PTPRG: variants seen among roughly 807,000 people sequenced by gnomAD.
PTPRG encodes the protein receptor-type tyrosine-protein phosphatase gamma.
A neutral mutation model predicts 165.3 loss-of-function variants in PTPRG; 102 were observed. The ratio of observed to expected loss-of-function variants is 0.62; its 90% CI spans 0.53 to 0.73. The LOEUF is 0.73. Ranked by LOEUF, PTPRG falls within the 30% of genes least tolerant of loss-of-function variation. PTPRG has a pLI of 0.00. For missense variants in PTPRG, 1,866 were observed against 1,861.4 expected (o/e 1.00, Z -0.05); for synonymous variants, 675 against 669.5 (o/e 1.01, Z -0.13).
chr3:62,242,820 A>G (rs940494188), intron 14 of PTPRG, among the ~76,000 whole-genome samples: 3 of 152,140 alleles, frequency 2.0e-5, no homozygotes, highest in African/African-American at 7.2e-5. Flanking sequence ...AGAAAAAGCA[A>G]AGCTGTAATG....
intron 2 of PTPRG, among the ~76,000 whole-genome samples, chr3:61,841,097 T>G (rs899211824): frequency 6.6e-6 from 1 of 152,156 alleles, no homozygotes; most frequent in Non-Finnish European, 1.5e-5. Context: ...GTAGCTATCT[T>G]AATAATGCCC....
At chr3:62,044,683 TAATC>T (rs1245965017) in intron 4 of PTPRG, among the ~76,000 whole-genome samples, 7 of 152,184 alleles carry the variant, frequency 4.6e-5, no homozygotes, top group South Asian at 2.1e-4. Flanking sequence ...AAAATAAAAA[TAATC>T]AATAACATAT....
chr3:62,065,564 G>T (rs940447873), intron 4 of PTPRG, among the ~76,000 whole-genome samples: 3 of 152,134 alleles, frequency 2.0e-5, no homozygotes, highest in African/African-American at 7.2e-5. Context: ...AATGCTGTTG[G>T]TTATTTTAAG....
chr3:62,292,833 C>CTTTAGAGGATAGTATTCTCTGGTTA (rs1576236533), intron 29 of PTPRG: 2 of 475,466 alleles, frequency 4.2e-6, no homozygotes, highest in East Asian at 6.9e-5. Flanking sequence ...AGAAGCCCTG[C>CTTTAGAGGATAGTATTCTCTGGTTA]TTTAGAGGAT....
chr3:61,908,411 CAAAAAA>C (rs776421819), intron 2 of PTPRG, among the ~76,000 whole-genome samples: 6 of 57,734 alleles, frequency 1.0e-4, no homozygotes, highest in African/African-American at 2.3e-4. Context: ...GGCAACAGAG[CAAAAAA>C]AAAAAAAAAA....
chr3:62,113,239 A>AT (rs1702733271), intron 5 of PTPRG, among the ~76,000 whole-genome samples: 1 of 152,120 alleles, frequency 6.6e-6, no homozygotes, highest in Admixed American at 6.5e-5. Flanking sequence ...CTGTGTGGGA[A>AT]TATGGCCTGT....
chr3:62,105,334 A>C lies in PTPRG; in HGVS notation c.615+27076A>C, dbSNP rs1307088489. On this transcript the variant is annotated intron_variant, in intron 5 of 29. Transcript: ENST00000474889. Reference sequence around the variant, plus strand: ...TGTGATCTGAGTTAATTACTGCCATAGTTTTGTTAGACTTCGACATGATTT... The same window carrying C: ...TGTGATCTGAGTTAATTACTGCCATCGTTTTGTTAGACTTCGACATGATTT... Among the ~76,000 whole-genome samples the C allele has an allele frequency of 2.0e-5, 3 of 152,184 alleles. No individual in the cohort carries two copies. The East Asian group carries it at 5.8e-4, about 29-fold the overall frequency.
At chr3:61,860,630 G>C (rs1475864173) in intron 2 of PTPRG, among the ~76,000 whole-genome samples, 5 of 151,786 alleles carry the variant, frequency 3.3e-5, no homozygotes, top group Non-Finnish European at 2.9e-5. Context: ...TTTTAGTAGA[G>C]ACAGGGTTTC....
chr3:61,656,785 G>A (rs576820032), intron 1 of PTPRG, among the ~76,000 whole-genome samples: 1 of 152,126 alleles, frequency 6.6e-6, no homozygotes, highest in Admixed American at 6.5e-5. Context: ...ACATCCTTTA[G>A]TTGTTTTCGA....
intron 1 of PTPRG, among the ~76,000 whole-genome samples, chr3:61,721,907 C>T (rs2032063508): frequency 6.6e-6 from 1 of 152,186 alleles, no homozygotes; most frequent in Non-Finnish European, 1.5e-5. Flanking sequence ...ACTTTCTGCT[C>T]TGTCATCTGT....
In PTPRG at chr3:62,217,886, C is replaced by G. The variant is rs779634713; in HGVS notation, c.2156-965C>G. The G allele has an allele frequency of 6.6e-6, 1 of 152,378 alleles. No homozygotes were observed. Among genetic ancestry groups the G allele is most frequent in the Admixed American group, 6.5e-5 (1 of 15,278 alleles). The allele number at this position is 152,378 out of a possible 1,614,324, so 9.4% of individuals were successfully genotyped here. Reference sequence around the variant, plus strand: ...AGCTGCCTGGTTAACAGGTATTGGCCGACCAGAGAGAATCCTAAACTATTT... The same window carrying G: ...AGCTGCCTGGTTAACAGGTATTGGCGGACCAGAGAGAATCCTAAACTATTT... On this transcript the variant is annotated intron_variant, in intron 12 of 29. Transcript: ENST00000474889. The surrounding 1 kb of genome is among the most constrained non-coding windows in gnomAD (Gnocchi z 4.3).
intron 1 of PTPRG, among the ~76,000 whole-genome samples, chr3:61,639,193 A>T (rs114887371): frequency 0.011 from 1,616 of 152,036 alleles, 25 homozygotes; most frequent in African/African-American, 0.037. Flanking sequence ...ATTTTTGTGG[A>T]CTTTGTTGAA....
Position 62,203,636 on chromosome 3 carries a change from C to A in PTPRG, c.1841C>A (p.Ala614Asp). ...EKKEKSGVTHAAEERNQTEPS... is the reference protein window; with the variant it reads ...EKKEKSGVTHDAEERNQTEPS... ...AAGGAGAAGAGTGGGGTGACCCACGCTGCCGAGGAGCGGAATCAGACGGAG... is the reference window on the plus strand; with the variant it reads ...AAGGAGAAGAGTGGGGTGACCCACGATGCCGAGGAGCGGAATCAGACGGAG... Residue 614 changes from alanine (A) to aspartate (D), a missense_variant, in exon 12 of 30, where the codon GCT (alanine) becomes GAT (aspartate). Ala to Asp is a moderately radical substitution (Grantham distance 126). This residue lies in a region of PTPRG where 1,452 missense variants were observed against 1,463.0 expected (regional missense o/e 0.99). Transcript: ENST00000474889. The surrounding 1 kb of genome is among the most constrained non-coding windows in gnomAD (Gnocchi z 6.4). 3 of 1,557,202 alleles carry A rather than the reference C, an allele frequency of 1.9e-6. No homozygotes were observed. Among genetic ancestry groups the A allele is most frequent in the Non-Finnish European group, 2.6e-6 (3 of 1,149,904 alleles).
chr3:62,268,975 T>C (rs1004029509), intron 19 of PTPRG, 60 bp from the exon 20 acceptor site: 7 of 1,421,262 alleles, frequency 4.9e-6, no homozygotes, highest in Non-Finnish European at 6.6e-6. Flanking sequence ...TGAAATTACA[T>C]TATCAACAGA....
At chr3:62,008,731 A>C (rs1421146316) in intron 4 of PTPRG, among the ~76,000 whole-genome samples, 1 of 152,206 alleles carries the variant, frequency 6.6e-6, no homozygotes, top group Non-Finnish European at 1.5e-5. Context: ...TCAGATCATC[A>C]GGCATTAGTT....
chr3:61,627,565 G>A (rs1178143611), intron 1 of PTPRG, among the ~76,000 whole-genome samples: 1 of 151,974 alleles, frequency 6.6e-6, no homozygotes, highest in East Asian at 1.9e-4. Context: ...TATAAATATG[G>A]TCACTAACTG....
chr3:62,226,786 C>T (rs966921752), intron 13 of PTPRG, among the ~76,000 whole-genome samples: 11 of 152,158 alleles, frequency 7.2e-5, no homozygotes, highest in African/African-American at 2.7e-4. Context: ...ATGACCAAGC[C>T]ATCTGTAAAT....
intron 5 of PTPRG, among the ~76,000 whole-genome samples, chr3:62,127,437 A>C (rs1430448879): frequency 6.6e-6 from 1 of 152,226 alleles, no homozygotes; most frequent in East Asian, 1.9e-4. Flanking sequence ...CTGAATACAC[A>C]GTTACCTGCT....
intron 2 of PTPRG, among the ~76,000 whole-genome samples, chr3:61,867,064 C>T (rs182316131): frequency 2.6e-4 from 40 of 152,134 alleles, no homozygotes; most frequent in African/African-American, 8.4e-4. Context: ...TCAGATTGCC[C>T]GGGATTGGAA....
Sources: allele counts gnomAD v4.1 joint callset (sites outside exome capture counted in the v4.1 genomes callset), GRCh38; gene constraint gnomAD v4.1.1; regional missense constraint gnomAD v4.1.1; non-coding constraint Gnocchi (gnomAD v3.1); transcripts MANE v1.5; gene names NCBI Gene and HGNC (gene_info 2026-07-23, HGNC 2026-07-21).